The following TRPC4AP variants were observed in gnomAD, a reference collection of about 807,000 sequenced individuals.
TRPC4AP encodes short transient receptor potential channel 4-associated protein.
TRPC4AP carries 45 observed loss-of-function variants against 99.0 expected under a neutral mutation model. The observed-to-expected ratio is 0.45, with a 90% CI of 0.36 to 0.58. The LOEUF (loss-of-function observed/expected upper bound fraction) is 0.58. TRPC4AP is among the 20% of genes least tolerant of loss of function. The probability of loss-of-function intolerance (pLI) is 0.00; values close to 1 mark genes in which losing one functional copy is unlikely to be tolerated. For missense variants in TRPC4AP, 879 were observed against 985.3 expected (o/e 0.89, Z 1.44); for synonymous variants, 408 against 385.8 (o/e 1.06, Z -0.67).
intron 7 of TRPC4AP, among the ~76,000 whole-genome samples, chr20:35,039,248 G>A (rs890816634): frequency 6.6e-6 from 1 of 152,118 alleles, no homozygotes; most frequent in Non-Finnish European, 1.5e-5. Context: ...CCCCATTCCT[G>A]CACACTCAAC....
chr20:35,023,613 A>G (rs2082945096), intron 8 of TRPC4AP, among the ~76,000 whole-genome samples: 1 of 152,230 alleles, frequency 6.6e-6, no homozygotes, highest in Admixed American at 6.5e-5. Flanking sequence ...TTTCCATGTT[A>G]GCACTCCTTG....
intron 1 of TRPC4AP, among the ~76,000 whole-genome samples, chr20:35,086,959 G>C (rs1432337637): frequency 6.6e-6 from 1 of 151,822 alleles, no homozygotes; most frequent in Non-Finnish European, 1.5e-5. Context: ...CTTGAACCCG[G>C]GAAGCGGAGG....
At chr20:35,070,903 T>C (rs1325222621) in intron 2 of TRPC4AP, among the ~76,000 whole-genome samples, 2 of 152,170 alleles carry the variant, frequency 1.3e-5, no homozygotes, top group Admixed American at 6.5e-5. Flanking sequence ...ACCTAAAACA[T>C]AGTAAGTTTC....
At chr20:35,077,906 T>A (rs1019709412) in intron 2 of TRPC4AP, 140 bp downstream of exon 2, 1 of 947,798 alleles carries the variant, frequency 1.1e-6, no homozygotes, top group Non-Finnish European at 1.5e-6. Flanking sequence ...GTACTTTTTC[T>A]GAATTTCTCA....
chr20:35,061,317 G>T (rs1005266196), intron 3 of TRPC4AP, among the ~76,000 whole-genome samples: 1 of 152,148 alleles, frequency 6.6e-6, no homozygotes, highest in African/African-American at 2.4e-5. Flanking sequence ...AAACATTTTT[G>T]AAAGAAATTA....
At chr20:35,057,453 G>A in intron 4 of TRPC4AP, 61 bp downstream of exon 4, 1 of 1,369,442 alleles carries the variant, frequency 7.3e-7, no homozygotes, top group Non-Finnish European at 1.0e-6. Context: ...GCAGCTGCTG[G>A]GAACTGCCAC....
At chr20:35,031,103 A>G (rs923375253) in intron 8 of TRPC4AP, among the ~76,000 whole-genome samples, 1 of 152,208 alleles carries the variant, frequency 6.6e-6, no homozygotes. Context: ...AGCATTCTGA[A>G]TATGTCACCC....
At chr20:35,091,373 A>C (rs1012052971) in intron 1 of TRPC4AP, among the ~76,000 whole-genome samples, 1 of 152,176 alleles carries the variant, frequency 6.6e-6, no homozygotes, top group Non-Finnish European at 1.5e-5. Flanking sequence ...CCTTTCGTCC[A>C]CAGTCCTCCA....
In TRPC4AP at chr20:35,092,774, G is replaced by A. The variant is rs776010915; in HGVS notation, c.8C>T (p.Ala3Val). The A allele has an allele frequency of 3.9e-6, 6 of 1,535,992 alleles. No individual in the cohort carries two copies. Among genetic ancestry groups the A allele is most frequent in the Admixed American group, 4.0e-5 (2 of 50,094 alleles). ...TCCAGACCCAGCCGCTACCGGCGCC[G>A]CCGCCATGTCTCCTCGTCGGACAAA... Reference protein sequence around the residue: MAAAPVAAGSGAG... With the variant: MAVAPVAAGSGAG... The change falls in exon 1 of 19, where the codon GCG (alanine) becomes GTG (valine). Residue 3 changes from alanine (A) to valine (V), a missense_variant. Around this residue, in one of 3 missense-constraint regions of TRPC4AP, gnomAD observed 603 missense variants for 631.8 expected, o/e 0.95. Transcript: ENST00000252015.
At chr20:35,060,157 A>G (rs1050600995) in intron 3 of TRPC4AP, among the ~76,000 whole-genome samples, 3 of 152,220 alleles carry the variant, frequency 2.0e-5, no homozygotes, top group African/African-American at 4.8e-5. Flanking sequence ...ACATTTCCCA[A>G]CTCATTCTTT....
At chr20:35,036,110 T>C (rs2083310521) in intron 7 of TRPC4AP, among the ~76,000 whole-genome samples, 1 of 152,206 alleles carries the variant, frequency 6.6e-6, no homozygotes, top group South Asian at 2.1e-4. Context: ...TTATTCACAA[T>C]GAGTGAGGTG....
chr20:35,078,017 T>C, intron 2 of TRPC4AP, 29 bp downstream of exon 2: 8 of 1,582,852 alleles, frequency 5.1e-6, no homozygotes, highest in Non-Finnish European at 6.9e-6. Flanking sequence ...AGGCCCTGAA[T>C]ACGCCCCTCC....
At chr20:35,031,939 G>C (rs899251485) in intron 8 of TRPC4AP, among the ~76,000 whole-genome samples, 27 of 151,988 alleles carry the variant, frequency 1.8e-4, no homozygotes, top group Admixed American at 1.4e-3. Context: ...TCACCCAGGC[G>C]CAACTGCAGT....
Position 35,086,481 on chromosome 20 carries a change from GTGTGTATATA to G in TRPC4AP, c.168+6123_168+6132del, listed in dbSNP as rs1364816485. 4.2e-4 allele frequency among the ~76,000 whole-genome samples: 52 copies of G among 125,060 alleles called. 2 individuals are homozygous for G. The highest frequency in any genetic ancestry group is 1.6e-3 in the African/African-American group (46 of 29,180). The allele number at this position is 125,060 out of a possible 152,430, so 82.0% of individuals were successfully genotyped here. On this transcript the variant is annotated intron_variant, in intron 1 of 18. Coordinates refer to ENST00000252015, the MANE Select transcript of TRPC4AP (RefSeq NM_015638.3). ...TGTGTGTGTGTGTGTGTGTGTATGTGTGTGTATATATATATGTGTATATATATGTGTGTGT... is the reference window on the plus strand; with the variant it reads ...TGTGTGTGTGTGTGTGTGTGTATGTGTATATGTGTATATATATGTGTGTGT...
intron 8 of TRPC4AP, among the ~76,000 whole-genome samples, chr20:35,024,653 GTC>G (rs1368984391): frequency 6.6e-6 from 1 of 151,718 alleles, no homozygotes; most frequent in East Asian, 1.9e-4. Flanking sequence ...GCAAGATCCT[GTC>G]TCTTTTTATT....
intron 1 of TRPC4AP, among the ~76,000 whole-genome samples, chr20:35,083,760 C>G (rs981492928): frequency 7.4e-5 from 11 of 149,482 alleles, no homozygotes; most frequent in African/African-American, 2.7e-4. Flanking sequence ...TCTTGGGAGG[C>G]TACCAGAGAG....
chr20:35,036,053 GA>G (rs143600055), intron 7 of TRPC4AP, among the ~76,000 whole-genome samples: 2 of 151,972 alleles, frequency 1.3e-5, no homozygotes, highest in African/African-American at 2.4e-5. Flanking sequence ...TTAAGGTAAA[GA>G]AAAAAACTGA....
At chr20:35,081,805 A>G (rs2084654448) in intron 1 of TRPC4AP, among the ~76,000 whole-genome samples, 1 of 151,900 alleles carries the variant, frequency 6.6e-6, no homozygotes, top group African/African-American at 2.4e-5. Flanking sequence ...GGCCAACATG[A>G]TGAAACCCTG....
chr20:35,046,545 T>C (rs1339222189), intron 6 of TRPC4AP, among the ~76,000 whole-genome samples: 4 of 152,162 alleles, frequency 2.6e-5, no homozygotes, highest in African/African-American at 9.7e-5. Context: ...CTCCTGAGAC[T>C]CAATGCACAG....
Sources: gnomAD v4.1 joint callset for allele counts (sites outside exome capture counted in the v4.1 genomes callset) on GRCh38, gnomAD v4.1.1 for gene constraint, gnomAD v4.1.1 regional missense constraint, MANE v1.5 for transcripts, NCBI Gene and HGNC (gene_info 2026-07-23, HGNC 2026-07-21) for gene names.